LEPR: variants seen among roughly 807,000 people sequenced by gnomAD.
LEPR encodes leptin receptor.
In LEPR, 56 loss-of-function variants were observed where a neutral mutation model predicts 114.7. The observed-to-expected ratio is 0.49, with a 90% CI of 0.39 to 0.61. LEPR has a LOEUF of 0.61. Among genes scored for constraint, LEPR ranks in the 20% least tolerant of loss-of-function variants. LEPR has a pLI of 0.00. For missense variants in LEPR, 1,202 were observed against 1,352.9 expected, an observed-to-expected ratio of 0.89 and a Z score of 1.75; for synonymous variants, 443 against 461.4, an observed-to-expected ratio of 0.96 and a Z score of 0.51.
At chr1:65,469,998 A>G (rs1323809287) in intron 2 of LEPR, among the ~76,000 whole-genome samples, 2 of 152,220 alleles carry the variant, frequency 1.3e-5, no homozygotes, top group Non-Finnish European at 2.9e-5. Flanking sequence ...CGTGGCATAC[A>G]GCCAACAAAA....
intron 2 of LEPR, among the ~76,000 whole-genome samples, chr1:65,498,272 C>A (rs1018171498): frequency 3.3e-5 from 5 of 152,076 alleles, no homozygotes; most frequent in African/African-American, 1.2e-4. Flanking sequence ...TGAGATTTTT[C>A]TTGAGGAGCT....
chr1:65,521,113 GA>G (rs1385559094), intron 2 of LEPR, among the ~76,000 whole-genome samples: 2 of 152,216 alleles, frequency 1.3e-5, no homozygotes, highest in Non-Finnish European at 2.9e-5. Context: ...TGATTAACCT[GA>G]TTTTTCCGTA....
Position 65,556,507 on chromosome 1 carries a change from C to T in LEPR, c.-20-9039C>T, listed in dbSNP as rs181635265. On this transcript the variant is annotated intron_variant, in intron 2 of 19. Coordinates refer to ENST00000349533, the MANE Select transcript of LEPR (RefSeq NM_002303.6). ...GATTGTTAACCCCTTGAAATTATAG[C>T]CCTAATTTTAGTTGTATGTGCTTCC... Among the ~76,000 whole-genome samples the T allele has an allele frequency of 6.6e-5, 10 of 152,148 alleles. No individual in the cohort carries two copies. The East Asian group carries it at 1.5e-3, about 24-fold the overall frequency.
intron 2 of LEPR, among the ~76,000 whole-genome samples, chr1:65,471,273 G>C (rs1647079510): frequency 6.6e-6 from 1 of 152,150 alleles, no homozygotes; most frequent in South Asian, 2.1e-4. Flanking sequence ...AGTAAGATGA[G>C]GAGCACTGTG....
At chr1:65,507,459 G>GTGTGTGTGTGTGTA (rs375120311) in intron 2 of LEPR, among the ~76,000 whole-genome samples, 2 of 139,522 alleles carry the variant, frequency 1.4e-5, no homozygotes, top group Non-Finnish European at 3.1e-5. Flanking sequence ...GTGTGTGTGT[G>GTGTGTGTGTGTGTA]TATATATATA....
Position 65,621,362 on chromosome 1 carries a change from A to C in LEPR, c.2501A>C (p.Glu834Ala). 6.2e-7 allele frequency: 1 copy of C among 1,613,046 alleles called. No individual in the cohort carries two copies. The highest frequency in any genetic ancestry group is 8.5e-7 in the Non-Finnish European group (1 of 1,179,356). ...TGTATTTCTTTTTCAGATGATATTG[A>C]AAAACACCAGAGTGATGCAGGTTTA... is the stretch of plus-strand genomic sequence containing the variant. ...IINSFTQDDIEKHQSDAGLYV... is the reference protein window; with the variant it reads ...IINSFTQDDIAKHQSDAGLYV... The change falls in exon 18 of 20, where the codon GAA (glutamate) becomes GCA (alanine). Residue 834 changes from glutamate (E) to alanine (A), a missense_variant. Transcript: ENST00000349533.
intron 2 of LEPR, among the ~76,000 whole-genome samples, chr1:65,483,247 A>G (rs1349976108): frequency 7.8e-6 from 1 of 127,712 alleles, no homozygotes; most frequent in Non-Finnish European, 1.9e-5. Context: ...ACAAATCAAT[A>G]TTGATTTTTC....
chr1:65,465,456 A>G (rs1001015968), intron 2 of LEPR, among the ~76,000 whole-genome samples: 1 of 152,152 alleles, frequency 6.6e-6, no homozygotes, highest in Non-Finnish European at 1.5e-5. Context: ...TATGTGATCA[A>G]TTTTAGAATA....
rs115838832 is a variant in LEPR, at chr1:65,619,306, C to T, written c.2396-622C>T. Among the ~76,000 whole-genome samples the T allele has an allele frequency of 9.5e-3, 1,439 of 152,226 alleles. 19 individuals are homozygous for T. Among genetic ancestry groups the T allele is most frequent in the African/African-American group, 0.033 (1,381 of 41,542 alleles). ...TTTAGGCTTCACAGAGATCTCTCTT[C>T]TTCTGGATATATTCTTCTAGAAGAA... On this transcript the variant is annotated intron_variant, in intron 16 of 19. Transcript: ENST00000349533.
intron 2 of LEPR, among the ~76,000 whole-genome samples, chr1:65,511,958 G>C (rs973346117): frequency 6.6e-6 from 1 of 152,172 alleles, no homozygotes; most frequent in Non-Finnish European, 1.5e-5. Flanking sequence ...TTGACTCATG[G>C]TTCTGCAGAC....
At chr1:65,455,574 G>GCT (rs1440573816) in intron 2 of LEPR, among the ~76,000 whole-genome samples, 12 of 152,228 alleles carry the variant, frequency 7.9e-5, no homozygotes, top group Non-Finnish European at 1.5e-4. Flanking sequence ...GCTGGGGGGT[G>GCT]CCTCCCAGTT....
At chr1:65,558,251 C>T (rs964223894) in intron 2 of LEPR, among the ~76,000 whole-genome samples, 1 of 152,096 alleles carries the variant, frequency 6.6e-6, no homozygotes, top group Non-Finnish European at 1.5e-5. Context: ...AAACAGTGTA[C>T]TGATTTCTAG....
At chr1:65,541,846 T>G (rs1394471607) in intron 2 of LEPR, among the ~76,000 whole-genome samples, 4 of 152,220 alleles carry the variant, frequency 2.6e-5, no homozygotes, top group African/African-American at 9.6e-5. Flanking sequence ...ATTGCTTTTC[T>G]TACTCATAAA....
chr1:65,433,244 G>C (rs1389960380), intron 2 of LEPR: 2 of 985,104 alleles, frequency 2.0e-6, no homozygotes, highest in East Asian at 2.3e-4. Flanking sequence ...AAGAGATATA[G>C]GAGCCATGTA....
intron 5 of LEPR, among the ~76,000 whole-genome samples, chr1:65,585,834 T>A (rs76324006): frequency 6.6e-6 from 1 of 152,032 alleles, no homozygotes; most frequent in Non-Finnish European, 1.5e-5. Context: ...AGAGTATGTT[T>A]TGATATTAGT....
chr1:65,601,258 C>G, intron 8 of LEPR, 134 bp from the exon 9 acceptor site: 1 of 1,083,852 alleles, frequency 9.2e-7, no homozygotes, highest in Non-Finnish European at 1.3e-6. Context: ...TCAGCATTAT[C>G]CAGTTTTTAA....
chr1:65,589,725 G>T (rs1434884839), intron 5 of LEPR, among the ~76,000 whole-genome samples: 1 of 151,910 alleles, frequency 6.6e-6, no homozygotes, highest in Non-Finnish European at 1.5e-5. Flanking sequence ...AAAATCAGTT[G>T]TCCATGTAAG....
chr1:65,495,078 A>G (rs1648082753), intron 2 of LEPR, among the ~76,000 whole-genome samples: 2 of 152,292 alleles, frequency 1.3e-5, no homozygotes, highest in Non-Finnish European at 1.5e-5. Flanking sequence ...ATATCAAGTG[A>G]AAAAGTTTCT....
chr1:65,574,449 AG>A (rs910814477), intron 5 of LEPR, among the ~76,000 whole-genome samples: 24 of 152,264 alleles, frequency 1.6e-4, no homozygotes, highest in Admixed American at 7.2e-4. Flanking sequence ...ATAAAAAATT[AG>A]GGGGGGTGGA....
Sources: gnomAD v4.1 joint callset for allele counts (sites outside exome capture counted in the v4.1 genomes callset) on GRCh38, gnomAD v4.1.1 for gene constraint, MANE v1.5 for transcripts, NCBI Gene and HGNC (gene_info 2026-07-23, HGNC 2026-07-21) for gene names.